CORO2B: variants seen among roughly 807,000 people sequenced by gnomAD.
CORO2B encodes coronin 2B.
In CORO2B, 26 loss-of-function variants were observed where a neutral mutation model predicts 58.8. The ratio of observed to expected loss-of-function variants is 0.44; its 90% CI spans 0.32 to 0.61. The LOEUF (loss-of-function observed/expected upper bound fraction) is 0.61. Among genes scored for constraint, CORO2B ranks in the 20% least tolerant of loss-of-function variants. The probability of loss-of-function intolerance (pLI) is 0.04; values close to 1 mark genes in which losing one functional copy is unlikely to be tolerated. For missense variants in CORO2B, 460 were observed against 645.1 expected (o/e 0.71, Z 3.11); for synonymous variants, 242 against 253.8 (o/e 0.95, Z 0.44).
At chr15:68,624,295 C>A (rs1900614765) in intron 1 of CORO2B, among the ~76,000 whole-genome samples, 1 of 152,174 alleles carries the variant, frequency 6.6e-6, no homozygotes. Flanking sequence ...AGGAGGATCC[C>A]TTGTGCCCAG....
At chr15:68,673,950 G>C (rs544326312) in intron 2 of CORO2B, among the ~76,000 whole-genome samples, 1 of 152,034 alleles carries the variant, frequency 6.6e-6, no homozygotes, top group African/African-American at 2.4e-5. Context: ...AAGAAGGGTT[G>C]ACTTTTTCGG....
chr15:68,722,741 T>A (rs558414388), intron 11 of CORO2B, among the ~76,000 whole-genome samples: 1 of 152,298 alleles, frequency 6.6e-6, no homozygotes, highest in South Asian at 2.1e-4. Context: ...CAAAAAATAT[T>A]TTTTTAAGTT....
chr15:68,684,996 CAGTG>C (rs1211984080), intron 2 of CORO2B, among the ~76,000 whole-genome samples: 3 of 152,140 alleles, frequency 2.0e-5, no homozygotes, highest in African/African-American at 7.2e-5. Context: ...GGGCAGCACA[CAGTG>C]AGGGAAAGTG....
intron 1 of CORO2B, among the ~76,000 whole-genome samples, chr15:68,638,812 T>C (rs907004635): frequency 6.6e-6 from 1 of 152,178 alleles, no homozygotes; most frequent in East Asian, 1.9e-4. Flanking sequence ...TTCTGCCCGC[T>C]GGACAGCAGC....
At chr15:68,719,261 C>G (rs757231305) in intron 10 of CORO2B, 27 bp downstream of exon 10, 2 of 1,609,478 alleles carry the variant, frequency 1.2e-6, no homozygotes, top group Non-Finnish European at 1.7e-6. Flanking sequence ...CTCCACAGAG[C>G]ACAGGCGGCT....
intron 1 of CORO2B, among the ~76,000 whole-genome samples, chr15:68,627,918 C>T (rs767825259): frequency 2.6e-5 from 4 of 152,036 alleles, no homozygotes; most frequent in Admixed American, 6.6e-5. Flanking sequence ...TTCGATGAGG[C>T]TCTGTGCTGA....
chr15:68,668,340 T>C (rs1014122433), intron 2 of CORO2B, among the ~76,000 whole-genome samples: 18 of 151,892 alleles, frequency 1.2e-4, no homozygotes, highest in African/African-American at 4.4e-4. Flanking sequence ...ACAGACAAGG[T>C]CCCTGTTCTC....
Position 68,631,964 on chromosome 15 carries a change from T to TGGGC in CORO2B, c.16-13195_16-13192dup, listed in dbSNP as rs955954616. On this transcript the variant is annotated intron_variant, in intron 1 of 11. Coordinates refer to ENST00000261861, the MANE Select transcript of CORO2B (RefSeq NM_006091.5). ...ATGCCATCCCTCAGCATCGCTGGAGTGGGCTCTCTCTTGGTTGCTAGCAAC... is the reference window on the plus strand; with the variant it reads ...ATGCCATCCCTCAGCATCGCTGGAGTGGGCGGGCTCTCTCTTGGTTGCTAGCAAC... The TGGGC allele has an allele frequency of 4.1e-6, 4 of 985,164 alleles. No homozygotes were observed. In the African/African-American group the frequency reaches 7.0e-5, roughly 17 times the overall value. The allele number at this position is 985,164 out of a possible 1,614,324, so 61.0% of individuals were successfully genotyped here. A position where few individuals can be genotyped will look rare whatever the true frequency, so the allele number is the denominator to read the frequency against.
chr15:68,724,066 A>G (rs1026258945), intron 11 of CORO2B, among the ~76,000 whole-genome samples: 2 of 151,932 alleles, frequency 1.3e-5, no homozygotes, highest in African/African-American at 4.8e-5. Context: ...GCCGGGCGTG[A>G]TGGCACACAC....
chr15:68,571,258 G>A, the CORO2B span, among the ~76,000 whole-genome samples: 7 of 152,332 alleles, frequency 4.6e-5, no homozygotes, highest in African/African-American at 1.4e-4. Flanking sequence ...CTCAGTACAT[G>A]TAAATACAGA....
chr15:68,578,591 C>A (rs987468126), upstream of CORO2B, among the ~76,000 whole-genome samples: 1 of 152,146 alleles, frequency 6.6e-6, no homozygotes, highest in African/African-American at 2.4e-5. The surrounding 1 kb of genome is among the most constrained non-coding windows in gnomAD (Gnocchi z 4.2). Flanking sequence ...GGCCCACGGG[C>A]CGACTTTGCG....
At chr15:68,544,648 T>A in the CORO2B span, among the ~76,000 whole-genome samples, 1 of 152,150 alleles carries the variant, frequency 6.6e-6, no homozygotes, top group African/African-American at 2.4e-5. Flanking sequence ...TATGGACAAG[T>A]TGGACATTCA....
intron 1 of CORO2B, among the ~76,000 whole-genome samples, chr15:68,608,236 C>T (rs955173202): frequency 2.0e-5 from 3 of 152,280 alleles, no homozygotes; most frequent in Non-Finnish European, 2.9e-5. Flanking sequence ...AAGAGCTAGG[C>T]AGGGGCCCAG....
chr15:68,603,653 GAAAAT>G (rs1900037215), intron 1 of CORO2B, among the ~76,000 whole-genome samples: 1 of 152,086 alleles, frequency 6.6e-6, no homozygotes, highest in Non-Finnish European at 1.5e-5. Flanking sequence ...GTCCTTATAA[GAAAAT>G]AGACACCAGA....
the CORO2B span, among the ~76,000 whole-genome samples, chr15:68,566,745 C>G: frequency 6.6e-6 from 1 of 152,166 alleles, no homozygotes; most frequent in South Asian, 2.1e-4. Flanking sequence ...GGGGAGGGAG[C>G]CTGTATATCC....
At chr15:68,675,522 T>TTGCCAC (rs963291797) in intron 2 of CORO2B, among the ~76,000 whole-genome samples, 3 of 152,156 alleles carry the variant, frequency 2.0e-5, no homozygotes, top group Non-Finnish European at 4.4e-5. Context: ...AGTTTGAGCT[T>TTGCCAC]TGCCACTTAG....
chr15:68,598,630 C>T (rs1021097286), intron 1 of CORO2B, among the ~76,000 whole-genome samples: 1 of 152,164 alleles, frequency 6.6e-6, no homozygotes, highest in African/African-American at 2.4e-5. Flanking sequence ...TGGCCTTGAA[C>T]GCCCCTCTGC....
chr15:68,599,667 C>T (rs1011642287), intron 1 of CORO2B, among the ~76,000 whole-genome samples: 23 of 152,164 alleles, frequency 1.5e-4, no homozygotes, highest in African/African-American at 5.6e-4. Flanking sequence ...GGAATGCACT[C>T]TCCACTGCCC....
intron 2 of CORO2B, among the ~76,000 whole-genome samples, chr15:68,668,157 A>G (rs1015926715): frequency 3.3e-5 from 5 of 152,228 alleles, no homozygotes; most frequent in Non-Finnish European, 5.9e-5. Flanking sequence ...AAATAGAGTG[A>G]TGCTGGCTAA....
Sources: allele counts gnomAD v4.1 joint callset (sites outside exome capture counted in the v4.1 genomes callset), GRCh38; gene constraint gnomAD v4.1.1; non-coding constraint Gnocchi (gnomAD v3.1); transcripts MANE v1.5; gene names NCBI Gene and HGNC (gene_info 2026-07-23, HGNC 2026-07-21).